The following NUP85 variants were observed in gnomAD, a reference collection of about 807,000 sequenced individuals.
NUP85 encodes the protein nucleoporin 85.
A neutral mutation model predicts 92.8 loss-of-function variants in NUP85; 23 were observed. The ratio of observed to expected loss-of-function variants is 0.25; its 90% CI spans 0.18 to 0.35. The LOEUF is 0.35. Among genes scored for constraint, NUP85 ranks in the 10% least tolerant of loss-of-function variants. The pLI is 1.00. For missense variants in NUP85, 759 were observed against 822.8 expected (o/e 0.92, Z 0.95); for synonymous variants, 314 against 306.9 (o/e 1.02, Z -0.24).
intron 16 of NUP85, among the ~76,000 whole-genome samples, chr17:75,233,835 T>A (rs1332407182): frequency 2.6e-5 from 4 of 152,048 alleles, no homozygotes; most frequent in Non-Finnish European, 5.9e-5. Context: ...CCTGACCTTG[T>A]GATCCGCCTG....
At position 75,231,336 on chromosome 17, in the gene NUP85, G is replaced by C; in HGVS notation, c.1095-4G>C. On this transcript the variant is annotated splice_polypyrimidine_tract_variant and splice_region_variant and intron_variant, in intron 11 of 18. Coordinates refer to ENST00000245544, the MANE Select transcript of NUP85 (RefSeq NM_024844.5). This position sits in a 1 kb window ranked among gnomAD's most constrained non-coding sequence, Gnocchi z 4.6. ...CCTTCTTGCCTTGGTGTCTGAATCT[G>C]CAGCATCGCCCTGAGCAACTGGTGG... 1 of 1,614,190 alleles carries C rather than the reference G, an allele frequency of 6.2e-7. No individual in the cohort carries two copies. The highest frequency in any genetic ancestry group is 1.3e-5 in the African/African-American group (1 of 75,050).
intron 1 of NUP85, among the ~76,000 whole-genome samples, chr17:75,207,748 G>A (rs949363210): frequency 6.6e-6 from 1 of 151,764 alleles, no homozygotes; most frequent in Non-Finnish European, 1.5e-5. Flanking sequence ...AAAGTGCTGG[G>A]ATTACAGGCA....
chr17:75,213,003 C>A, intron 4 of NUP85, 73 bp from the exon 5 acceptor site: 2 of 1,370,364 alleles, frequency 1.5e-6, no homozygotes, highest in Non-Finnish European at 2.1e-6. Flanking sequence ...AAGCCATAGA[C>A]CCTGGAATAT....
chr17:75,212,984 CAG>C (rs2075319591), intron 4 of NUP85, 90 bp from the exon 5 acceptor site: 3 of 1,190,532 alleles, frequency 2.5e-6, no homozygotes, highest in Non-Finnish European at 3.6e-6. Flanking sequence ...TTAAAATAAA[CAG>C]AGGCTCAAGC....
chr17:75,234,519 TG>T, intron 16 of NUP85, 117 bp from the exon 17 acceptor site: 1 of 926,728 alleles, frequency 1.1e-6, no homozygotes, highest in African/African-American at 1.6e-5. Context: ...TCCTGCTTTG[TG>T]GAGTGGCTGG....
intron 17 of NUP85, 58 bp downstream of exon 17, chr17:75,234,846 T>C (rs2076265457): frequency 1.3e-6 from 2 of 1,594,204 alleles, no homozygotes; most frequent in African/African-American, 1.3e-5. Context: ...AGAGCTTAGT[T>C]GTATAGCTGT....
chr17:75,232,188 T>TCC, intron 14 of NUP85: 1 of 586,554 alleles, frequency 1.7e-6, no homozygotes, highest in South Asian at 2.0e-5. Context: ...CCAGACAAAA[T>TCC]CTACACGCCA....
chr17:75,219,167 T>C (rs1464466785), intron 7 of NUP85, among the ~76,000 whole-genome samples: 1 of 151,956 alleles, frequency 6.6e-6, no homozygotes, highest in Non-Finnish European at 1.5e-5. Flanking sequence ...TGGGAACAGA[T>C]TGTGAGGACA....
chr17:75,221,104 C>T (rs1205878058), intron 7 of NUP85, among the ~76,000 whole-genome samples: 5 of 152,084 alleles, frequency 3.3e-5, no homozygotes, highest in Non-Finnish European at 7.4e-5. Context: ...AGGATGGTCT[C>T]GATCTGACCT....
At chr17:75,225,990 C>G in intron 10 of NUP85, 61 bp from the exon 11 acceptor site, 2 of 1,606,582 alleles carry the variant, frequency 1.2e-6, no homozygotes, top group Non-Finnish European at 1.7e-6. Context: ...TACAGCAGCC[C>G]TGCCTGCCCC....
At chr17:75,232,065 ATCC>A (rs902628237) in intron 14 of NUP85, 86 bp downstream of exon 14, 14 of 1,442,728 alleles carry the variant, frequency 9.7e-6, no homozygotes, top group East Asian at 4.8e-5. Context: ...TACCCCAGCC[ATCC>A]TCCTCCTCAC....
rs146227879 is a variant in NUP85 at position 75,217,656 on chromosome 17, G to A, written c.476-529G>A. On this transcript the variant is annotated intron_variant, in intron 6 of 18. Coordinates refer to ENST00000245544, the MANE Select transcript of NUP85 (RefSeq NM_024844.5). ...TGAGTAGCTGGAATTACAGGCATGC[G>A]CCACCACGCCCGGCTAATTTTTGTA... is the stretch of plus-strand genomic sequence containing the variant. Among the ~76,000 whole-genome samples, 852 of 151,176 alleles carry A rather than the reference G, an allele frequency of 5.6e-3. 7 individuals carry two copies. Among genetic ancestry groups the A allele is most frequent in the African/African-American group, 0.019 (798 of 41,192 alleles).
intron 3 of NUP85, among the ~76,000 whole-genome samples, chr17:75,211,369 TA>T (rs535714377): frequency 3.6e-4 from 55 of 151,630 alleles, no homozygotes; most frequent in African/African-American, 1.1e-3. Context: ...TTGTCACTTC[TA>T]GGAAAAAAAC....
In NUP85 at chr17:75,208,522, A is replaced by G; in HGVS notation, c.34-5A>G. On this transcript the variant is annotated splice_polypyrimidine_tract_variant and splice_region_variant and intron_variant, in intron 1 of 18. Coordinates refer to ENST00000245544, the MANE Select transcript of NUP85 (RefSeq NM_024844.5). ...ATTTTAGATTTCTATGCCTTATTTT[A>G]CTAGTTGATTCCAGGCGTGAATTCC... 1 of 1,477,660 alleles carries G rather than the reference A, an allele frequency of 6.8e-7. No individual in the cohort carries two copies. Among genetic ancestry groups the G allele is most frequent in the African/African-American group, 1.4e-5 (1 of 71,886 alleles). 91.5% of individuals were successfully genotyped at this position (1,477,660 alleles called of 1,614,324 possible). A position where few individuals can be genotyped will look rare whatever the true frequency, so the allele number is the denominator to read the frequency against.
At chr17:75,222,011 CAT>C (rs1225135952) in intron 7 of NUP85, among the ~76,000 whole-genome samples, 4 of 149,030 alleles carry the variant, frequency 2.7e-5, no homozygotes, top group Non-Finnish European at 4.5e-5. Context: ...TAATTTTAGA[CAT>C]GTTTCTCTCG....
intron 4 of NUP85, 57 bp downstream of exon 4, chr17:75,212,119 GA>G: frequency 8.6e-7 from 1 of 1,167,066 alleles, no homozygotes; most frequent in African/African-American, 1.6e-5. Flanking sequence ...TGGGTATTTT[GA>G]GTATTTATCT....
chr17:75,234,412 C>T (rs1202229057), intron 16 of NUP85, among the ~76,000 whole-genome samples: 1 of 152,122 alleles, frequency 6.6e-6, no homozygotes, highest in Non-Finnish European at 1.5e-5. Context: ...TCTGATGTTT[C>T]CCCAGATTTG....
intron 11 of NUP85, among the ~76,000 whole-genome samples, chr17:75,227,484 C>G (rs140651106): frequency 6.6e-6 from 1 of 151,654 alleles, no homozygotes; most frequent in Non-Finnish European, 1.5e-5. Context: ...TACAGGTGTC[C>G]GTCACCACGC....
At chr17:75,208,466 TG>T in intron 1 of NUP85, 60 bp from the exon 2 acceptor site, 1 of 810,562 alleles carries the variant, frequency 1.2e-6, no homozygotes, top group Non-Finnish European at 2.0e-6. Context: ...AAAAAAAGAA[TG>T]GAACAACTTC....
Sources: gnomAD v4.1 joint callset for allele counts (sites outside exome capture counted in the v4.1 genomes callset) on GRCh38, gnomAD v4.1.1 for gene constraint, Gnocchi (gnomAD v3.1) non-coding constraint, MANE v1.5 for transcripts, NCBI Gene and HGNC (gene_info 2026-07-23, HGNC 2026-07-21) for gene names.